RTN4IP1: variants seen among roughly 807,000 people sequenced by gnomAD.
RTN4IP1 encodes the protein NAD(P)H oxidoreductase RTN4IP1, mitochondrial.
A neutral mutation model predicts 46.6 loss-of-function variants in RTN4IP1; 32 were observed. The observed-to-expected ratio is 0.69, with a 90% CI of 0.52 to 0.92. The LOEUF is 0.92. Ranked by LOEUF, RTN4IP1 falls within the 40% of genes least tolerant of loss-of-function variation. The pLI is 0.00. For synonymous variants in RTN4IP1, 167 were observed against 161.8 expected, an observed-to-expected ratio of 1.03 and a Z score of -0.24; for missense variants, 424 against 485.8, an observed-to-expected ratio of 0.87 and a Z score of 1.20.
At chr6:106,609,881 G>A (rs1776181834) in intron 4 of RTN4IP1, among the ~76,000 whole-genome samples, 1 of 151,986 alleles carries the variant, frequency 6.6e-6, no homozygotes, top group Admixed American at 6.6e-5. Flanking sequence ...TCAATTCTTT[G>A]TGTTGCCACC....
chr6:106,629,304 A>AAG lies in RTN4IP1; in HGVS notation c.-284_-283insCT. ...TCACCCCCTCCACTTTAAAAAAAAAAGGGGGGGCGGGGCATTAAAAAGCAG... is the reference window on the plus strand; with the variant it reads ...TCACCCCCTCCACTTTAAAAAAAAAAAGGGGGGGGCGGGGCATTAAAAAGCAG... On this transcript the variant is annotated 5_prime_UTR_variant, in exon 1 of 9. It removes the in-frame stop codon of an upstream open reading frame in the 5' UTR. Coordinates refer to ENST00000369063, the MANE Select transcript of RTN4IP1 (RefSeq NM_032730.5). 2.6e-5 allele frequency: 10 copies of AAG among 377,426 alleles called. No individual in the cohort carries two copies. In the South Asian group the frequency reaches 2.7e-4, roughly 10 times the overall value. 23.4% of individuals were successfully genotyped at this position (377,426 alleles called of 1,614,324 possible).
rs148638418 is a variant in RTN4IP1, at chr6:106,578,819, T to C, written c.1083+4509A>G. Among the ~76,000 whole-genome samples, 497 of 152,282 alleles carry C rather than the reference T, an allele frequency of 3.3e-3. 5 individuals are homozygous for C. The highest frequency in any genetic ancestry group is 0.015 in the South Asian group (74 of 4,832). ...GTTAAAAAACATTTAACTTCTAGTT[T>C]AAGATAAGGATCGGCAAACTTTTTC... On this transcript the variant is annotated intron_variant, in intron 8 of 8. Coordinates refer to ENST00000369063, the MANE Select transcript of RTN4IP1 (RefSeq NM_032730.5).
intron 4 of RTN4IP1, among the ~76,000 whole-genome samples, chr6:106,617,708 A>T: frequency 6.6e-6 from 1 of 152,248 alleles, no homozygotes; most frequent in Middle Eastern, 3.4e-3. Context: ...AAATTTTTAA[A>T]TTTTTTCTTA....
chr6:106,595,644 CCCA>C (rs1222202563), intron 5 of RTN4IP1, among the ~76,000 whole-genome samples: 1 of 151,890 alleles, frequency 6.6e-6, no homozygotes, highest in East Asian at 1.9e-4. Flanking sequence ...ATTACAGGTG[CCCA>C]CCACCACGCC....
intron 8 of RTN4IP1, among the ~76,000 whole-genome samples, chr6:106,580,479 G>A (rs1051972779): frequency 1.3e-5 from 2 of 151,986 alleles, no homozygotes; most frequent in African/African-American, 4.8e-5. Flanking sequence ...AGCACTTTGG[G>A]AGGCCAAGGC....
rs756992664 is a variant in RTN4IP1, at chr6:106,583,404, A to G, written c.1007T>C (p.Val336Ala). The G allele has an allele frequency of 6.2e-7, 1 of 1,612,786 alleles. No individual in the cohort carries two copies. Among genetic ancestry groups the G allele is most frequent in the Non-Finnish European group, 8.5e-7 (1 of 1,179,068 alleles). The change falls in exon 8 of 9, where the codon GTC becomes GCC. Residue 336 changes from valine (V) to alanine (A), a missense_variant. Coordinates refer to ENST00000369063, the MANE Select transcript of RTN4IP1 (RefSeq NM_032730.5). ...CATGAAAAATGCCCAGCGATAATGG[A>G]CTCCTTTCCAGAAATGCTAAAAAGA... ...SKALKHFWKGVHYRWAFFMAS... is the reference protein window; with the variant it reads ...SKALKHFWKGAHYRWAFFMAS...
chr6:106,628,399 C>T (rs1776709770), intron 1 of RTN4IP1, among the ~76,000 whole-genome samples: 1 of 151,718 alleles, frequency 6.6e-6, no homozygotes. Flanking sequence ...ACCCAGGATG[C>T]GGAGGTTGCA....
intron 5 of RTN4IP1, among the ~76,000 whole-genome samples, chr6:106,597,204 A>G (rs1239394501): frequency 6.6e-6 from 1 of 152,192 alleles, no homozygotes; most frequent in African/African-American, 2.4e-5. Context: ...TAATTTCAGG[A>G]CAGTAGGAAA....
chr6:106,585,697 G>A (rs1775466900), intron 7 of RTN4IP1, among the ~76,000 whole-genome samples: 1 of 152,118 alleles, frequency 6.6e-6, no homozygotes. Flanking sequence ...ATGACAATGA[G>A]GCTTTAACTA....
At chr6:106,629,636 T>A, upstream of RTN4IP1, 2 of 1,581,362 alleles carry the variant, frequency 1.3e-6, no homozygotes, top group Non-Finnish European at 8.6e-7. Context: ...TGACCTCTTT[T>A]TCCCCCTTGC....
chr6:106,629,397 C>G lies in RTN4IP1; in HGVS notation c.-376G>C. ...CGGCGGGACAAGCAGACACCGCTCGCGATCCAACGCCAGAGAATCGAACGC... is the reference window on the plus strand; with the variant it reads ...CGGCGGGACAAGCAGACACCGCTCGGGATCCAACGCCAGAGAATCGAACGC... On this transcript the variant is annotated 5_prime_UTR_variant, in exon 1 of 9. Transcript: ENST00000369063. 1 of 568,488 alleles carries G rather than the reference C, an allele frequency of 1.8e-6. No individual in the cohort carries two copies. The highest frequency in any genetic ancestry group is 3.0e-5 in the East Asian group (1 of 33,480). The allele number at this position is 568,488 out of a possible 1,614,324, so 35.2% of individuals were successfully genotyped here.
chr6:106,591,301 T>C (rs1775656433), intron 6 of RTN4IP1, among the ~76,000 whole-genome samples: 1 of 152,146 alleles, frequency 6.6e-6, no homozygotes, highest in Non-Finnish European at 1.5e-5. Context: ...GAGTAGAAGC[T>C]CCCTGAACAG....
chr6:106,623,235 G>C (rs1360731312), intron 1 of RTN4IP1, among the ~76,000 whole-genome samples: 1 of 152,148 alleles, frequency 6.6e-6, no homozygotes, highest in African/African-American at 2.4e-5. Flanking sequence ...CCATAAAAAG[G>C]AACGAGATCA....
chr6:106,581,316 AC>A (rs1324209491), intron 8 of RTN4IP1, among the ~76,000 whole-genome samples: 1 of 152,250 alleles, frequency 6.6e-6, no homozygotes, highest in African/African-American at 2.4e-5. Flanking sequence ...TCTAACAGTT[AC>A]CTGCTAATGA....
intron 4 of RTN4IP1, among the ~76,000 whole-genome samples, chr6:106,605,696 A>T (rs1299036823): frequency 1.3e-5 from 2 of 151,360 alleles, no homozygotes; most frequent in Non-Finnish European, 2.9e-5. Flanking sequence ...AGGTGCCTGT[A>T]GTCCCAGCTA....
intron 8 of RTN4IP1, among the ~76,000 whole-genome samples, chr6:106,574,726 T>C (rs999297654): frequency 2.6e-5 from 4 of 152,198 alleles, no homozygotes; most frequent in African/African-American, 9.6e-5. Context: ...ACTTGTACCA[T>C]GCACATACCC....
chr6:106,596,562 G>A (rs768969149), intron 5 of RTN4IP1, among the ~76,000 whole-genome samples: 4 of 152,170 alleles, frequency 2.6e-5, no homozygotes, highest in Non-Finnish European at 5.9e-5. Flanking sequence ...CAGCCTGGAT[G>A]ACAGAGCAAC....
At chr6:106,603,168 T>TA (rs1775987061) in intron 4 of RTN4IP1, among the ~76,000 whole-genome samples, 1 of 152,174 alleles carries the variant, frequency 6.6e-6, no homozygotes, top group African/African-American at 2.4e-5. Flanking sequence ...AAAATACCAA[T>TA]AATTTGTTGG....
rs573544499 is a variant in RTN4IP1, at chr6:106,570,775, T to C, written c.*1221A>G. 1.3e-5 allele frequency: 2 copies of C among 152,194 alleles called. No homozygotes were observed. The highest frequency in any genetic ancestry group is 3.9e-4 in the East Asian group (2 of 5,176). 9.4% of individuals were successfully genotyped at this position (152,194 alleles called of 1,614,324 possible). ...AATCAGATTTTTTTTTCTTTTGCAA[T>C]AACTCGGTAGTAAGACCAGACCAAC... On this transcript the variant is annotated 3_prime_UTR_variant, in exon 9 of 9. Coordinates refer to ENST00000369063, the MANE Select transcript of RTN4IP1 (RefSeq NM_032730.5).
Sources: allele counts gnomAD v4.1 joint callset (sites outside exome capture counted in the v4.1 genomes callset), GRCh38; gene constraint gnomAD v4.1.1; transcripts MANE v1.5; gene names NCBI Gene and HGNC (gene_info 2026-07-23, HGNC 2026-07-21).